The following CLCN1 variants were observed in gnomAD, a reference collection of about 807,000 sequenced individuals.
CLCN1 encodes chloride voltage-gated channel 1, also known as chloride channel protein 1.
A neutral mutation model predicts 114.5 loss-of-function variants in CLCN1; 100 were observed. That is an observed-to-expected ratio of 0.87 (90% confidence interval 0.74 to 1.03). CLCN1 has a LOEUF of 1.03. CLCN1 is among the 50% of genes least tolerant of loss of function. The probability of loss-of-function intolerance (pLI) is 0.00; values close to 1 mark genes in which losing one functional copy is unlikely to be tolerated. For synonymous variants in CLCN1, 485 were observed against 487.1 expected (o/e 1.00, Z 0.06); for missense variants, 1,188 against 1,250.0 (o/e 0.95, Z 0.75).
At chr7:143,334,142 G>A (rs1192253160) in intron 12 of CLCN1, among the ~76,000 whole-genome samples, 1 of 152,130 alleles carries the variant, frequency 6.6e-6, no homozygotes, top group African/African-American at 2.4e-5. Flanking sequence ...GAACCTAGGA[G>A]GCGGAGGTTG....
intron 7 of CLCN1, among the ~76,000 whole-genome samples, chr7:143,329,430 T>G (rs1802664000): frequency 6.6e-6 from 1 of 152,190 alleles, no homozygotes; most frequent in Admixed American, 6.5e-5. Context: ...GAAGGGGACT[T>G]GGGACTGACC....
At chr7:143,319,595 G>A (rs1430415642) in intron 1 of CLCN1, among the ~76,000 whole-genome samples, 160 bp from the exon 2 acceptor site, 1 of 152,154 alleles carries the variant, frequency 6.6e-6, no homozygotes, top group Non-Finnish European at 1.5e-5. Context: ...AGGGTGGAGA[G>A]TAGAGGGCAG....
chr7:143,332,730 C>T lies in CLCN1; in HGVS notation c.1258C>T (p.Pro420Ser), dbSNP rs1425685904. ...CTGCTTCTTCCTCTCCCAGTTGATG[C>T]CCCGCGAAGCCATCAGTACTTTGTT... ...MGQFMAGELM[P>S]REAISTLFDN... The change falls in exon 12 of 23, where the codon CCC becomes TCC. Residue 420 changes from proline to serine, a missense_variant. Physicochemically the swap from Pro to Ser is moderately conservative, Grantham distance 74. Transcript: ENST00000343257. 6.2e-7 allele frequency: 1 copy of T among 1,614,010 alleles called. No homozygotes were observed. Among genetic ancestry groups the T allele is most frequent in the South Asian group, 1.1e-5 (1 of 91,078 alleles).
At chr7:143,325,286 C>A (rs1004398308) in intron 7 of CLCN1, among the ~76,000 whole-genome samples, 7 of 152,216 alleles carry the variant, frequency 4.6e-5, no homozygotes, top group Admixed American at 1.3e-4. Context: ...GCATATGCTT[C>A]TTAAATGACC....
intron 7 of CLCN1, among the ~76,000 whole-genome samples, chr7:143,326,358 T>C (rs559514492): frequency 6.6e-6 from 1 of 152,268 alleles, no homozygotes; most frequent in East Asian, 1.9e-4. Flanking sequence ...TGGAGTCAGC[T>C]CTTAATTTCT....
At chr7:143,331,701 C>G (rs1331416513) in intron 10 of CLCN1, 49 bp downstream of exon 10, 6 of 1,301,410 alleles carry the variant, frequency 4.6e-6, no homozygotes, top group Non-Finnish European at 6.7e-6. Context: ...TCTGGTTTCT[C>G]CAAGAGTTCC....
chr7:143,346,359 G>A lies in CLCN1; in HGVS notation c.2284+108G>A, dbSNP rs1434881671. On this transcript the variant is annotated intron_variant, in intron 18 of 22. Transcript: ENST00000343257. ...ATTCCTATGCGGGGTGGGGTGGGGG[G>A]TGAGGCTGGGGGATTGAGGGAGGAC... The A allele has an allele frequency of 5.1e-6, 4 of 786,116 alleles. No homozygotes were observed. In the Admixed American group the frequency reaches 6.0e-5, roughly 12 times the overall value. 48.7% of individuals were successfully genotyped at this position (786,116 alleles called of 1,614,324 possible).
chr7:143,340,225 T>C (rs1354678928), intron 14 of CLCN1, among the ~76,000 whole-genome samples: 3 of 152,168 alleles, frequency 2.0e-5, no homozygotes, highest in East Asian at 3.9e-4. Context: ...CTTCCCTACA[T>C]AGAGAAGTGC....
chr7:143,342,287 A>T, intron 15 of CLCN1, 85 bp from the exon 16 acceptor site: 2 of 1,552,632 alleles, frequency 1.3e-6, no homozygotes, highest in Non-Finnish European at 1.8e-6. Flanking sequence ...ATTGTGAGTG[A>T]CTGAAAGTAT....
chr7:143,328,060 T>C (rs1586493404), intron 7 of CLCN1, among the ~76,000 whole-genome samples: 1 of 152,214 alleles, frequency 6.6e-6, no homozygotes, highest in African/African-American at 2.4e-5. Flanking sequence ...TAACCAAGAC[T>C]GGGTATATGG....
intron 11 of CLCN1, 84 bp downstream of exon 11, chr7:143,332,587 G>A (rs576035453): frequency 6.6e-7 from 1 of 1,518,374 alleles, no homozygotes; most frequent in East Asian, 2.3e-5. Context: ...TTTTGTCCAA[G>A]GATAGACTTT....
chr7:143,339,741 TAACTC>T lies in CLCN1; in HGVS notation c.1582+125_1582+129del, dbSNP rs145959809. ...AATACGGTTTTAATTTAGTGCTACT[TAACTC>T]AACTTTTACTCAGATAACATACCCA... On this transcript the variant is annotated intron_variant, in intron 14 of 22. Transcript: ENST00000343257. This position sits in a 1 kb window ranked among gnomAD's most constrained non-coding sequence, Gnocchi z 4.1. 432 of 733,944 alleles carry T rather than the reference TAACTC, an allele frequency of 5.9e-4. 2 individuals are homozygous for T. The African/African-American group carries it at 6.7e-3, about 11-fold the overall frequency. The allele number at this position is 733,944 out of a possible 1,614,324, so 45.5% of individuals were successfully genotyped here.
Position 143,321,167 on chromosome 7 carries a change from C to T in CLCN1, c.434-198C>T, listed in dbSNP as rs1323575428. 6.6e-6 allele frequency among the ~76,000 whole-genome samples: 1 copy of T among 152,202 alleles called. No homozygotes were observed. Among genetic ancestry groups the T allele is most frequent in the Non-Finnish European group, 1.5e-5 (1 of 68,026 alleles). ...CCAGACCCTGTACTCCAGTGGGATT[C>T]GTGACACAGCCACCAACTGGAACAG... is the stretch of plus-strand genomic sequence containing the variant. On this transcript the variant is annotated intron_variant, in intron 3 of 22. Coordinates refer to ENST00000343257, the MANE Select transcript of CLCN1 (RefSeq NM_000083.3). The surrounding 1 kb of genome is among the most constrained non-coding windows in gnomAD (Gnocchi z 4.2).
chr7:143,325,974 G>A (rs1049859906), intron 7 of CLCN1, among the ~76,000 whole-genome samples: 1 of 152,142 alleles, frequency 6.6e-6, no homozygotes, highest in African/African-American at 2.4e-5. Flanking sequence ...TGTGGTAAAT[G>A]ACAAAGGTAT....
intron 12 of CLCN1, among the ~76,000 whole-genome samples, chr7:143,333,110 C>A (rs577952995): frequency 3.9e-5 from 6 of 152,144 alleles, no homozygotes; most frequent in Admixed American, 3.9e-4. Flanking sequence ...ACCAACATAG[C>A]CAACATAGCG....
chr7:143,323,753 C>A (rs929955816), intron 6 of CLCN1: 15 of 489,616 alleles, frequency 3.1e-5, no homozygotes, highest in South Asian at 1.1e-4. Flanking sequence ...CCTCACCCTA[C>A]CTCTTACATA....
rs1271691018 is a variant in CLCN1 at position 143,345,667 on chromosome 7, G to A, written c.2077G>A (p.Ala693Thr). The A allele has an allele frequency of 1.9e-6, 3 of 1,564,350 alleles. No individual in the cohort carries two copies. In the African/African-American group the frequency reaches 4.1e-5, roughly 21 times the overall value. Residue 693 changes from alanine (A) to threonine (T), a missense_variant, in exon 17 of 23, where the codon GCT (alanine) becomes ACT (threonine). Ala to Thr is a moderately conservative substitution (Grantham distance 58). Transcript: ENST00000343257. ...ELPYDGKARL[A>T]GEGLPGAPPG... ...GCCTTACGACGGGAAGGCGCGGCTG[G>A]CTGGGGAGGGGCTCCCCGGCGCGCC...
intron 16 of CLCN1, among the ~76,000 whole-genome samples, chr7:143,343,044 T>C (rs1382495331): frequency 6.6e-6 from 1 of 152,102 alleles, no homozygotes; most frequent in Admixed American, 6.6e-5. Context: ...CTAGGAAAAA[T>C]ACAGGGCTGT....
chr7:143,335,949 C>T (rs777102997), intron 12 of CLCN1, among the ~76,000 whole-genome samples: 2 of 152,010 alleles, frequency 1.3e-5, no homozygotes, highest in South Asian at 2.1e-4. Context: ...CGTGAGCCAC[C>T]GCACCTGGCC....
Sources: allele counts gnomAD v4.1 joint callset (sites outside exome capture counted in the v4.1 genomes callset), GRCh38; gene constraint gnomAD v4.1.1; non-coding constraint Gnocchi (gnomAD v3.1); transcripts MANE v1.5; gene names NCBI Gene and HGNC (gene_info 2026-07-23, HGNC 2026-07-21).